ROBO2: variants seen among roughly 807,000 people sequenced by gnomAD.
The protein encoded by ROBO2 is roundabout guidance receptor 2, also known as roundabout homolog 2.
ROBO2 carries 53 observed loss-of-function variants against 160.8 expected under a neutral mutation model. The ratio of observed to expected loss-of-function variants is 0.33; its 90% CI spans 0.26 to 0.41. The LOEUF is 0.41. ROBO2 is among the 10% of genes least tolerant of loss of function. The probability of loss-of-function intolerance (pLI) is 1.00; values close to 1 mark genes in which losing one functional copy is unlikely to be tolerated. For missense variants in ROBO2, 1,577 were observed against 1,722.4 expected, an observed-to-expected ratio of 0.92 and a Z score of 1.49; for synonymous variants, 664 against 611.7, an observed-to-expected ratio of 1.09 and a Z score of -1.26.
intron 2 of ROBO2, among the ~76,000 whole-genome samples, chr3:77,229,263 C>G (rs1261137641): frequency 6.6e-6 from 1 of 151,960 alleles, no homozygotes. Context: ...AGTATTATTA[C>G]TACTATTACT....
chr3:77,530,781 A>C (rs2091654926), intron 6 of ROBO2, among the ~76,000 whole-genome samples: 1 of 152,030 alleles, frequency 6.6e-6, no homozygotes, highest in African/African-American at 2.4e-5. Context: ...TCTTTATATG[A>C]AAAGAAAAGT....
intron 2 of ROBO2, among the ~76,000 whole-genome samples, chr3:76,320,612 T>A (rs1202559924): frequency 6.6e-6 from 1 of 152,186 alleles, no homozygotes; most frequent in African/African-American, 2.4e-5. Flanking sequence ...TAATAAAGAA[T>A]TTATTTTAGG....
Position 76,272,946 on chromosome 3 carries a change from A to ATATGTTT in ROBO2, c.109+335344_109+335345insTATGTTT. On this transcript the variant is annotated intron_variant, in intron 2 of 26. Transcript: ENST00000487694. ...TATATATTTATATATAAATATATAA[A>ATATGTTT]ATATATAATATATATTTATATATAA... is the stretch of plus-strand genomic sequence containing the variant. Among the ~76,000 whole-genome samples, 143 of 28,900 alleles carry ATATGTTT rather than the reference A, an allele frequency of 4.9e-3. 2 individuals carry two copies. Among genetic ancestry groups the ATATGTTT allele is most frequent in the Non-Finnish European group, 0.011 (124 of 11,224 alleles). 19.0% of individuals were successfully genotyped at this position (28,900 alleles called of 152,430 possible). A position where few individuals can be genotyped will look rare whatever the true frequency, so the allele number is the denominator to read the frequency against.
At chr3:76,226,510 C>T (rs1007575456) in intron 2 of ROBO2, among the ~76,000 whole-genome samples, 9 of 152,122 alleles carry the variant, frequency 5.9e-5, no homozygotes, top group Admixed American at 4.6e-4. Flanking sequence ...AGGAGAACTA[C>T]GTGTTCTCTA....
At chr3:77,482,148 C>T (rs1457262159) in intron 4 of ROBO2, among the ~76,000 whole-genome samples, 1 of 152,016 alleles carries the variant, frequency 6.6e-6, no homozygotes, top group Non-Finnish European at 1.5e-5. Context: ...CTTCATTAAA[C>T]ATTTTACTAT....
At chr3:77,239,470 G>A (rs2088625051) in intron 2 of ROBO2, among the ~76,000 whole-genome samples, 1 of 152,118 alleles carries the variant, frequency 6.6e-6, no homozygotes, top group Admixed American at 6.5e-5. Flanking sequence ...TTATTGCAAA[G>A]GGTGAAAGAA....
At chr3:77,520,883 T>C (rs1224682795) in intron 5 of ROBO2, among the ~76,000 whole-genome samples, 1 of 151,400 alleles carries the variant, frequency 6.6e-6, no homozygotes, top group Non-Finnish European at 1.5e-5. Flanking sequence ...ACATTTTTAC[T>C]GGCAAAGTTA....
chr3:76,331,690 AT>A (rs10713218), intron 2 of ROBO2, among the ~76,000 whole-genome samples: 41,105 of 144,114 alleles, frequency 0.29, 5,798 homozygotes, highest in Non-Finnish European at 0.34. Flanking sequence ...TAATATTTGA[AT>A]TTTTTTTTTT....
chr3:76,974,541 G>T (rs2059721239), intron 2 of ROBO2, among the ~76,000 whole-genome samples: 2 of 152,090 alleles, frequency 1.3e-5, no homozygotes, highest in African/African-American at 4.8e-5. Flanking sequence ...TGCAACCCAG[G>T]TGTTCTGGTT....
chr3:77,546,906 C>T (rs1209461117), intron 7 of ROBO2, among the ~76,000 whole-genome samples: 1 of 152,086 alleles, frequency 6.6e-6, no homozygotes, highest in African/African-American at 2.4e-5. Context: ...CTCTTATATA[C>T]ACAGCATAAA....
intron 2 of ROBO2, among the ~76,000 whole-genome samples, chr3:76,496,376 C>T (rs2080154344): frequency 1.3e-5 from 2 of 152,226 alleles, no homozygotes; most frequent in South Asian, 4.1e-4. Context: ...GGGGTACCTT[C>T]ACAATGTTTC....
At chr3:77,601,384 G>C (rs988343030) in intron 19 of ROBO2, among the ~76,000 whole-genome samples, 3 of 152,060 alleles carry the variant, frequency 2.0e-5, no homozygotes, top group Admixed American at 2.0e-4. Context: ...TTCCAAAAAG[G>C]GAAAATAAGA....
chr3:76,888,981 C>A (rs2074130473), intron 2 of ROBO2, among the ~76,000 whole-genome samples: 1 of 152,184 alleles, frequency 6.6e-6, no homozygotes. Flanking sequence ...ATTGTTTGGT[C>A]AGAATGTTGG....
At chr3:77,463,662 C>T (rs962919551) in intron 2 of ROBO2, among the ~76,000 whole-genome samples, 1 of 151,994 alleles carries the variant, frequency 6.6e-6, no homozygotes, top group South Asian at 2.1e-4. Context: ...TTCACTGCAG[C>T]CTTGACCACC....
At chr3:77,444,849 G>A (rs1384554345) in intron 2 of ROBO2, among the ~76,000 whole-genome samples, 1 of 152,148 alleles carries the variant, frequency 6.6e-6, no homozygotes, top group African/African-American at 2.4e-5. Flanking sequence ...TCTCCAGTTA[G>A]GAGTTGTCAG....
intron 8 of ROBO2, among the ~76,000 whole-genome samples, chr3:77,555,752 T>C (rs2093095026): frequency 6.6e-6 from 1 of 151,948 alleles, no homozygotes; most frequent in African/African-American, 2.4e-5. Flanking sequence ...TTATAATGCA[T>C]AGTGAGAGAA....
At chr3:76,033,768 T>A (rs921107358) in intron 2 of ROBO2, among the ~76,000 whole-genome samples, 1 of 152,150 alleles carries the variant, frequency 6.6e-6, no homozygotes, top group Admixed American at 6.5e-5. Context: ...ATTGGCCTCA[T>A]TCACACGTGT....
chr3:76,966,183 A>G (rs531098475), intron 2 of ROBO2, among the ~76,000 whole-genome samples: 26 of 152,006 alleles, frequency 1.7e-4, no homozygotes, highest in Non-Finnish European at 2.6e-4. Flanking sequence ...CGGCCTCCCA[A>G]AGTGCTGGGA....
intron 2 of ROBO2, among the ~76,000 whole-genome samples, chr3:76,324,188 C>T (rs1444811818): frequency 6.6e-6 from 1 of 152,090 alleles, no homozygotes; most frequent in Admixed American, 6.5e-5. Flanking sequence ...AACGGGGTTA[C>T]TCATGGGAGT....
Sources: gnomAD v4.1 joint callset for allele counts (sites outside exome capture counted in the v4.1 genomes callset) on GRCh38, gnomAD v4.1.1 for gene constraint, MANE v1.5 for transcripts, NCBI Gene and HGNC (gene_info 2026-07-23, HGNC 2026-07-21) for gene names.